Variants in RB1 observed in about 807,000 individuals in gnomAD.
RB1 encodes the protein retinoblastoma-associated protein.
A neutral mutation model predicts 135.4 loss-of-function variants in RB1; 18 were observed. That is an observed-to-expected ratio of 0.13 (90% CI 0.09 to 0.20). The LOEUF is 0.20. RB1 is among the 10% of genes least tolerant of loss of function. The pLI, the probability that RB1 is intolerant of heterozygous loss-of-function variation, is 1.00. For synonymous variants in RB1, 365 were observed against 373.2 expected, an observed-to-expected ratio of 0.98 and a Z score of 0.25; for missense variants, 868 against 1,110.0, an observed-to-expected ratio of 0.78 and a Z score of 3.10.
intron 2 of RB1, chr13:48,318,221 G>C (rs763556705): frequency 4.7e-6 from 3 of 634,168 alleles, no homozygotes; most frequent in Non-Finnish European, 8.2e-6. Context: ...TGTCTCTCTT[G>C]GACTTGGAGA....
intron 5 of RB1, 147 bp downstream of exon 5, chr13:48,348,010 T>C (rs1178205601): frequency 6.3e-6 from 4 of 631,560 alleles, no homozygotes; most frequent in Non-Finnish European, 1.1e-5. Context: ...CCTGTGTAGA[T>C]TATTTATCTT....
chr13:48,474,896 T>A (rs1280323720), intron 24 of RB1, among the ~76,000 whole-genome samples: 1 of 152,158 alleles, frequency 6.6e-6, no homozygotes, highest in Non-Finnish European at 1.5e-5. Flanking sequence ...CTTATATTTT[T>A]AATTTTTAAA....
At chr13:48,440,770 T>C (rs1184159662) in intron 17 of RB1, among the ~76,000 whole-genome samples, 4 of 152,164 alleles carry the variant, frequency 2.6e-5, no homozygotes, top group African/African-American at 9.7e-5. Context: ...TAACTTTTCA[T>C]TTAAAAAATT....
chr13:48,395,835 C>G (rs1005674191), intron 17 of RB1, among the ~76,000 whole-genome samples: 1 of 152,074 alleles, frequency 6.6e-6, no homozygotes, highest in African/African-American at 2.4e-5. Context: ...AGAACATCCC[C>G]AACCCAACAA....
chr13:48,385,510 C>T (rs1948565054), intron 17 of RB1, among the ~76,000 whole-genome samples: 2 of 152,136 alleles, frequency 1.3e-5, no homozygotes, highest in South Asian at 4.1e-4. Context: ...TAAGGTAGGG[C>T]AGGGATGTCA....
At chr13:48,309,197 A>C (rs1952111306) in intron 2 of RB1, among the ~76,000 whole-genome samples, 1 of 152,126 alleles carries the variant, frequency 6.6e-6, no homozygotes, top group Admixed American at 6.5e-5. Context: ...CTAAATCAAA[A>C]GCTATGAACA....
At chr13:48,479,754 T>C (rs1312624850) in intron 26 of RB1, among the ~76,000 whole-genome samples, 1 of 152,166 alleles carries the variant, frequency 6.6e-6, no homozygotes, top group African/African-American at 2.4e-5. Flanking sequence ...ATCAGGGTTA[T>C]TGGGATATAT....
At chr13:48,328,413 A>G in intron 2 of RB1, 1 of 1,402,162 alleles carries the variant, frequency 7.1e-7, no homozygotes, top group Non-Finnish European at 1.0e-6. Context: ...AAAGTTGGAG[A>G]TCTTTGCAGG....
chr13:48,338,998 A>G (rs1952414361), intron 2 of RB1, among the ~76,000 whole-genome samples: 1 of 152,144 alleles, frequency 6.6e-6, no homozygotes, highest in Non-Finnish European at 1.5e-5. Flanking sequence ...AATATTGCTG[A>G]ACAGCAGATG....
At chr13:48,447,721 G>T (rs1452937450) in intron 17 of RB1, among the ~76,000 whole-genome samples, 1 of 152,086 alleles carries the variant, frequency 6.6e-6, no homozygotes, top group Non-Finnish European at 1.5e-5. Context: ...CAGAGTTTGT[G>T]CTCCTACCTA....
chr13:48,440,362 G>A (rs1222497167), intron 17 of RB1, among the ~76,000 whole-genome samples: 1 of 152,156 alleles, frequency 6.6e-6, no homozygotes, highest in Non-Finnish European at 1.5e-5. Context: ...GAGGAGGGAG[G>A]CTAGAGTTGA....
At chr13:48,404,643 T>C (rs1273476278) in intron 17 of RB1, among the ~76,000 whole-genome samples, 1 of 151,968 alleles carries the variant, frequency 6.6e-6, no homozygotes, top group Non-Finnish European at 1.5e-5. Flanking sequence ...TCTCCTGCCT[T>C]AGCCTCCTGA....
rs1180053508 is a variant in RB1, at chr13:48,304,028, C to A, written c.116C>A (p.Pro39Gln). 2 of 1,460,976 alleles carry A rather than the reference C, an allele frequency of 1.4e-6. No individual in the cohort carries two copies. Among genetic ancestry groups the A allele is most frequent in the Admixed American group, 2.6e-5 (1 of 38,130 alleles). 90.5% of individuals were successfully genotyped at this position (1,460,976 alleles called of 1,614,324 possible). Residue 39 changes from proline (P) to glutamine (Q), a missense_variant, in exon 1 of 27, where the codon CCG becomes CAG. Physicochemically the swap from Pro to Gln is moderately conservative, Grantham distance 76 (BLOSUM62 -1). This residue lies in a region of RB1 where 641 missense variants were observed against 791.3 expected (regional missense o/e 0.81). Transcript: ENST00000267163. Reference sequence around the variant, plus strand: ...GAGGACCCAGAGCAGGACAGCGGCCCGGAGGACCTGCCTCTCGTCAGGTGA... The same window carrying A: ...GAGGACCCAGAGCAGGACAGCGGCCAGGAGGACCTGCCTCTCGTCAGGTGA... ...PEEDPEQDSG[P>Q]EDLPLVRLEF...
intron 17 of RB1, chr13:48,412,711 TAC>T (rs1238999193): frequency 4.3e-6 from 2 of 463,230 alleles, no homozygotes; most frequent in South Asian, 2.2e-5. Context: ...CTTTAAAAAA[TAC>T]AGTCAACGAG....
rs1952482710 is a variant in RB1, at chr13:48,345,282, T to G, written c.500+83T>G. 2.1e-6 allele frequency: 3 copies of G among 1,440,938 alleles called. No homozygotes were observed. The African/African-American group carries it at 4.2e-5, about 20-fold the overall frequency. The allele number at this position is 1,440,938 out of a possible 1,614,324, so 89.3% of individuals were successfully genotyped here. A position where few individuals can be genotyped will look rare whatever the true frequency, so the allele number is the denominator to read the frequency against. On this transcript the variant is annotated intron_variant, in intron 4 of 26. Transcript: ENST00000267163. The stretch of plus-strand genomic sequence containing the variant: ...TAGATTCTGGGAATTATTTAACACA[T>G]TTAGTAAAGTTAGTAAGTATTAATT...
intron 17 of RB1, among the ~76,000 whole-genome samples, chr13:48,425,399 C>T (rs943538373): frequency 6.6e-6 from 1 of 152,206 alleles, no homozygotes; most frequent in South Asian, 2.1e-4. Flanking sequence ...TAATTCTTCA[C>T]ATACAATATA....
chr13:48,452,938 A>G (rs1593529830), intron 17 of RB1, 55 bp from the exon 18 acceptor site: 4 of 1,604,618 alleles, frequency 2.5e-6, no homozygotes, highest in Non-Finnish European at 3.4e-6. Flanking sequence ...TTTGATATGT[A>G]CCTGGGAAAA....
At chr13:48,308,028 C>G (rs1952099262) in intron 2 of RB1, among the ~76,000 whole-genome samples, 1 of 151,826 alleles carries the variant, frequency 6.6e-6, no homozygotes, top group Non-Finnish European at 1.5e-5. Flanking sequence ...AATCAGTGTT[C>G]AGATTTCCTG....
chr13:48,362,894 A>G lies in RB1; in HGVS notation c.798A>G (p.Gln266=), dbSNP rs774759418. 2 of 1,613,934 alleles carry G rather than the reference A, an allele frequency of 1.2e-6. No individual in the cohort carries two copies. Among genetic ancestry groups the G allele is most frequent in the Admixed American group, 1.7e-5 (1 of 60,024 alleles). Residue 266 remains glutamine (Q), a synonymous_variant, in exon 8 of 27, where the codon CAA becomes CAG. Coordinates refer to ENST00000267163, the MANE Select transcript of RB1 (RefSeq NM_000321.3). ...ACAGGAGTGCACGGATAGCAAAACAACTAGAAAATGATACAAGAATTATTG... is the reference window on the plus strand; with the variant it reads ...ACAGGAGTGCACGGATAGCAAAACAGCTAGAAAATGATACAAGAATTATTG... ...GQNRSARIAK[Q]LENDTRIIEV...
Sources: allele counts gnomAD v4.1 joint callset (sites outside exome capture counted in the v4.1 genomes callset), GRCh38; gene constraint gnomAD v4.1.1; regional missense constraint gnomAD v4.1.1; transcripts MANE v1.5; gene names NCBI Gene and HGNC (gene_info 2026-07-23, HGNC 2026-07-21).